FRMD3: variants seen among roughly 807,000 people sequenced by gnomAD.
FRMD3 encodes FERM domain containing 3.
FRMD3 carries 33 observed loss-of-function variants against 70.2 expected under a neutral mutation model. The observed-to-expected ratio is 0.47, with a 90% CI of 0.36 to 0.63. The LOEUF (loss-of-function observed/expected upper bound fraction) is 0.63, where lower values mean the gene tolerates loss of function less well. Among genes scored for constraint, FRMD3 ranks in the 20% least tolerant of loss-of-function variants. The pLI is 0.00. For missense variants in FRMD3, 632 were observed against 711.4 expected (o/e 0.89, Z 1.27); for synonymous variants, 279 against 255.9 (o/e 1.09, Z -0.86).
chr9:83,300,802 A>G (rs1196285011), intron 10 of FRMD3, among the ~76,000 whole-genome samples: 1 of 152,258 alleles, frequency 6.6e-6, no homozygotes, highest in Non-Finnish European at 1.5e-5. Context: ...AGATAAGTGA[A>G]TGTACAGATG....
At chr9:83,457,236 A>G (rs1428107454) in intron 1 of FRMD3, among the ~76,000 whole-genome samples, 1 of 152,250 alleles carries the variant, frequency 6.6e-6, no homozygotes, top group Non-Finnish European at 1.5e-5. Flanking sequence ...ACATACAGAG[A>G]GAACCATCCA....
chr9:83,389,582 C>G (rs1825607894), intron 2 of FRMD3, 22 bp downstream of exon 2: 1 of 1,546,540 alleles, frequency 6.5e-7, no homozygotes, highest in African/African-American at 1.4e-5. Context: ...GAAAATGGCT[C>G]CAGATAGAAA....
intron 1 of FRMD3, among the ~76,000 whole-genome samples, chr9:83,475,709 T>C (rs1828380159): frequency 6.6e-6 from 1 of 152,202 alleles, no homozygotes; most frequent in African/African-American, 2.4e-5. Flanking sequence ...CACTTTACCA[T>C]GTACAAGGTA....
intron 6 of FRMD3, among the ~76,000 whole-genome samples, chr9:83,317,922 T>G (rs1835648206): frequency 6.6e-6 from 1 of 152,162 alleles, no homozygotes; most frequent in East Asian, 1.9e-4. Flanking sequence ...TGGAATATTT[T>G]TTAAACTCCT....
At chr9:83,307,493 A>C (rs1835177691) in intron 10 of FRMD3, among the ~76,000 whole-genome samples, 1 of 152,360 alleles carries the variant, frequency 6.6e-6, no homozygotes. Context: ...ACAGGAATAA[A>C]GTACTGAGAC....
rs564972069 is a variant in FRMD3, at chr9:83,490,929, T to C, written c.147+47156A>G. Among the ~76,000 whole-genome samples, 3 of 152,202 alleles carry C rather than the reference T, an allele frequency of 2.0e-5. No homozygotes were observed. In the East Asian group the frequency reaches 5.8e-4, roughly 29 times the overall value. ...TTTTAATCCAGCCAATCCCAAAATA[T>C]GTCCTGAGCTCAAGGTTTCATAAGA... On this transcript the variant is annotated intron_variant, in intron 1 of 13. Transcript: ENST00000304195.
At chr9:83,559,855 A>G in the FRMD3 span, among the ~76,000 whole-genome samples, 4 of 151,914 alleles carry the variant, frequency 2.6e-5, no homozygotes, top group Non-Finnish European at 5.9e-5. Flanking sequence ...AATTAAAAAT[A>G]TTTTATTTAG....
intron 2 of FRMD3, among the ~76,000 whole-genome samples, chr9:83,379,602 C>A (rs1825293872): frequency 6.6e-6 from 1 of 152,100 alleles, no homozygotes; most frequent in African/African-American, 2.4e-5. Flanking sequence ...GTAAGATGAA[C>A]CAGTGGATTC....
intron 3 of FRMD3, among the ~76,000 whole-genome samples, chr9:83,353,566 A>G (rs2131196581): frequency 6.6e-6 from 1 of 152,304 alleles, no homozygotes; most frequent in Non-Finnish European, 1.5e-5. Flanking sequence ...GAATTTGTGA[A>G]TGATAAACCC....
At chr9:83,540,401 C>T (rs2131572292), upstream of FRMD3, among the ~76,000 whole-genome samples, 1 of 152,142 alleles carries the variant, frequency 6.6e-6, no homozygotes, top group Middle Eastern at 3.4e-3. Flanking sequence ...CCAACAAGGA[C>T]AGTAGTGAAA....
intron 1 of FRMD3, among the ~76,000 whole-genome samples, chr9:83,424,722 G>T (rs1316376209): frequency 2.6e-5 from 4 of 152,158 alleles, no homozygotes. Context: ...AACTCACACG[G>T]TTTCATCTTT....
intron 1 of FRMD3, among the ~76,000 whole-genome samples, chr9:83,477,649 A>T (rs1223092930): frequency 6.6e-6 from 1 of 152,106 alleles, no homozygotes; most frequent in East Asian, 1.9e-4. Context: ...TTTTTGTCTC[A>T]TCCCCTAGGA....
At chr9:83,362,904 TCCCTTTCTTTCC>T (rs1824651677) in intron 3 of FRMD3, among the ~76,000 whole-genome samples, 1 of 134,762 alleles carries the variant, frequency 7.4e-6, no homozygotes, top group African/African-American at 2.7e-5. Flanking sequence ...CCCTCCTTCC[TCCCTTTCTTTCC>T]TCCTTCCTTC....
At position 83,403,986 on chromosome 9, in the gene FRMD3, A is replaced by G. The variant is rs368316417; in HGVS notation, c.148-14278T>C. 7.2e-5 allele frequency among the ~76,000 whole-genome samples: 11 copies of G among 152,154 alleles called. No individual in the cohort carries two copies. In the South Asian group the frequency reaches 1.5e-3, roughly 20 times the overall value. On this transcript the variant is annotated intron_variant, in intron 1 of 13. Coordinates refer to ENST00000304195, the MANE Select transcript of FRMD3 (RefSeq NM_174938.6). ...CCCGAAGGTTCCCAGTAGTCAGGCA[A>G]TTAGCAGGCCTGTGACCCACACAGC...
intron 2 of FRMD3, among the ~76,000 whole-genome samples, chr9:83,378,774 AAT>A (rs1825257470): frequency 4.7e-5 from 5 of 107,492 alleles, no homozygotes; most frequent in Non-Finnish European, 8.9e-5. Context: ...TATTATATAT[AAT>A]ATATATTATA....
chr9:83,320,354 T>C (rs550236625), intron 6 of FRMD3, among the ~76,000 whole-genome samples: 1 of 152,340 alleles, frequency 6.6e-6, no homozygotes, highest in East Asian at 1.9e-4. Context: ...TTGAGGATTT[T>C]CTCATGAAGA....
At position 83,369,442 on chromosome 9, in the gene FRMD3, G is replaced by C. The variant is rs2131248356; in HGVS notation, c.295+3471C>G. On this transcript the variant is annotated intron_variant, in intron 3 of 13. Transcript: ENST00000304195. ...AATACAAAAATTAGCTGGGTGCGGTGGCACGTGCCTGTAATCCCAGCTACT... is the reference window on the plus strand; with the variant it reads ...AATACAAAAATTAGCTGGGTGCGGTCGCACGTGCCTGTAATCCCAGCTACT... Among the ~76,000 whole-genome samples, 2 of 152,104 alleles carry C rather than the reference G, an allele frequency of 1.3e-5. 1 individual carries two copies. Among genetic ancestry groups the C allele is most frequent in the Middle Eastern group, 6.8e-3 (2 of 292 alleles).
intron 10 of FRMD3, among the ~76,000 whole-genome samples, chr9:83,302,628 A>G (rs1229780824): frequency 1.3e-5 from 2 of 152,072 alleles, no homozygotes; most frequent in African/African-American, 2.4e-5. Flanking sequence ...CCTAATATCA[A>G]TCTCAAACCT....
At chr9:83,250,202 C>T (rs1323678260) in intron 13 of FRMD3, among the ~76,000 whole-genome samples, 1 of 151,974 alleles carries the variant, frequency 6.6e-6, no homozygotes, top group African/African-American at 2.4e-5. Context: ...CAAAGGAGAC[C>T]CCACCCCGAC....
Sources: gnomAD v4.1 joint callset for allele counts (sites outside exome capture counted in the v4.1 genomes callset) on GRCh38, gnomAD v4.1.1 for gene constraint, MANE v1.5 for transcripts, NCBI Gene and HGNC (gene_info 2026-07-23, HGNC 2026-07-21) for gene names.